The following TENM3 variants were observed in gnomAD, a reference collection of about 807,000 sequenced individuals.
The protein encoded by TENM3 is teneurin-3.
In TENM3, 63 loss-of-function variants were observed where a neutral mutation model predicts 255.1. The observed-to-expected ratio is 0.25, with a 90% CI of 0.20 to 0.30. The LOEUF (loss-of-function observed/expected upper bound fraction) is 0.30, where lower values mean the gene tolerates loss of function less well. TENM3 is among the 10% of genes least tolerant of loss of function. The probability of loss-of-function intolerance (pLI) is 1.00; values close to 1 mark genes in which losing one functional copy is unlikely to be tolerated. For synonymous variants in TENM3, 1,306 were observed against 1,322.3 expected, an observed-to-expected ratio of 0.99 and a Z score of 0.27; for missense variants, 2,929 against 3,461.1, an observed-to-expected ratio of 0.85 and a Z score of 3.86.
At chr4:182,690,011 C>G (rs1330311477) in intron 12 of TENM3, among the ~76,000 whole-genome samples, 1 of 152,192 alleles carries the variant, frequency 6.6e-6, no homozygotes. Context: ...AGGAGGTATC[C>G]TCTGTCTGCC....
At chr4:182,268,487 G>A (rs951511501) in intron 1 of TENM3, among the ~76,000 whole-genome samples, 11 of 152,122 alleles carry the variant, frequency 7.2e-5, no homozygotes, top group Admixed American at 7.2e-4. Flanking sequence ...AGAGGCTTGT[G>A]AACCAGAGCA....
chr4:181,733,770 T>G, the TENM3 span, among the ~76,000 whole-genome samples: 2 of 152,178 alleles, frequency 1.3e-5, no homozygotes, highest in African/African-American at 2.4e-5. Flanking sequence ...AGGGACGCAG[T>G]TGAGTATCTG....
At chr4:181,666,865 G>A in the TENM3 span, among the ~76,000 whole-genome samples, 1 of 152,084 alleles carries the variant, frequency 6.6e-6, no homozygotes, top group Non-Finnish European at 1.5e-5. Flanking sequence ...CATTCCCATC[G>A]CTCTGCCCTT....
At chr4:181,839,717 T>C in the TENM3 span, among the ~76,000 whole-genome samples, 9 of 151,542 alleles carry the variant, frequency 5.9e-5, no homozygotes, top group Non-Finnish European at 1.2e-4. Flanking sequence ...TATTATCATC[T>C]TCTTTGGTCT....
At chr4:181,761,328 C>T in the TENM3 span, among the ~76,000 whole-genome samples, 1 of 151,974 alleles carries the variant, frequency 6.6e-6, no homozygotes, top group African/African-American at 2.4e-5. Context: ...AGCAAGTTAA[C>T]GTGGTGACAT....
chr4:181,573,131 C>A, the TENM3 span, among the ~76,000 whole-genome samples: 3 of 152,086 alleles, frequency 2.0e-5, no homozygotes, highest in South Asian at 6.2e-4. Context: ...GTTTTTTTAT[C>A]CATTCATCTG....
At chr4:182,396,861 C>T (rs62352325) in intron 3 of TENM3, among the ~76,000 whole-genome samples, 38,012 of 151,828 alleles carry the variant, frequency 0.25, 5,385 homozygotes, top group Middle Eastern at 0.38. Flanking sequence ...ACTTGGGAGG[C>T]TGAGGCAGGA....
chr4:182,154,519 T>G lies in TENM3; in HGVS notation c.-76+9765T>G, dbSNP rs1750568389. On this transcript the variant is annotated intron_variant, in intron 1 of 2. Transcript: ENST00000512480. Reference sequence around the variant, plus strand: ...AAATATATGTTAGGTATTAATAGATTCCGTGAAATGCAGAGGTTACTATTT... The same window carrying G: ...AAATATATGTTAGGTATTAATAGATGCCGTGAAATGCAGAGGTTACTATTT... Among the ~76,000 whole-genome samples, 5 of 152,292 alleles carry G rather than the reference T, an allele frequency of 3.3e-5. No homozygotes were observed. In the South Asian group the frequency reaches 1.0e-3, roughly 32 times the overall value.
chr4:181,577,570 C>T, the TENM3 span, among the ~76,000 whole-genome samples: 44 of 152,252 alleles, frequency 2.9e-4, no homozygotes, highest in East Asian at 4.4e-3. Flanking sequence ...ATGAGATAGA[C>T]GTTGAACTTC....
chr4:182,000,485 A>G, the TENM3 span, among the ~76,000 whole-genome samples: 6 of 152,066 alleles, frequency 3.9e-5, no homozygotes, highest in Non-Finnish European at 5.9e-5. Context: ...ACTGCGTCTG[A>G]TATTTATAGG....
chr4:182,412,008 C>T (rs1385947893), intron 3 of TENM3, among the ~76,000 whole-genome samples: 1 of 152,152 alleles, frequency 6.6e-6, no homozygotes, highest in Non-Finnish European at 1.5e-5. Context: ...TTGCTTCCTA[C>T]AGGATGATGA....
intron 24 of TENM3, among the ~76,000 whole-genome samples, chr4:182,781,854 A>G (rs1765195093): frequency 6.6e-6 from 1 of 151,520 alleles, no homozygotes; most frequent in African/African-American, 2.4e-5. Flanking sequence ...AGGTGTTTGT[A>G]GTATTCTCTG....
chr4:182,058,603 T>C, the TENM3 span, among the ~76,000 whole-genome samples: 1 of 152,082 alleles, frequency 6.6e-6, no homozygotes, highest in Non-Finnish European at 1.5e-5. Flanking sequence ...GAGAGAACTA[T>C]AGTAAAAATA....
the TENM3 span, among the ~76,000 whole-genome samples, chr4:182,017,110 G>A: frequency 1.1e-3 from 171 of 152,350 alleles, 1 homozygote; most frequent in African/African-American, 3.9e-3. Flanking sequence ...ACCACAGAGC[G>A]ACTTAGCTGC....
the TENM3 span, among the ~76,000 whole-genome samples, chr4:181,701,633 G>A: frequency 1.3e-5 from 2 of 152,120 alleles, no homozygotes; most frequent in Non-Finnish European, 2.9e-5. Context: ...AGAATGAAGT[G>A]CACGAAACAA....
At chr4:181,866,330 C>T in the TENM3 span, among the ~76,000 whole-genome samples, 1 of 152,134 alleles carries the variant, frequency 6.6e-6, no homozygotes, top group Non-Finnish European at 1.5e-5. Context: ...TGGCTAATTC[C>T]TCATGAGGAT....
At chr4:182,271,864 A>G (rs980540709) in intron 1 of TENM3, among the ~76,000 whole-genome samples, 3 of 152,194 alleles carry the variant, frequency 2.0e-5, no homozygotes, top group Non-Finnish European at 4.4e-5. Flanking sequence ...CAGCTCTGAG[A>G]TGCTTCTTAT....
chr4:181,522,836 T>G, the TENM3 span: 1 of 940,490 alleles, frequency 1.1e-6, no homozygotes, highest in South Asian at 1.3e-5. Flanking sequence ...CACCTGAATT[T>G]TCAATGCAGG....
rs527239122 is a variant in TENM3, at chr4:182,416,781, A to G, written c.511+69852A>G. ...AAACATGCTCTTTCCTGTTAATAAT[A>G]GGAAAATATTTCATTGCTTAAGAAA... is the stretch of plus-strand genomic sequence containing the variant. On this transcript the variant is annotated intron_variant, in intron 3 of 27. Coordinates refer to ENST00000511685, the MANE Select transcript of TENM3 (RefSeq NM_001080477.4). Among the ~76,000 whole-genome samples, 12 of 152,318 alleles carry G rather than the reference A, an allele frequency of 7.9e-5. No homozygotes were observed. In the East Asian group the frequency reaches 2.1e-3, roughly 27 times the overall value.
Sources: allele counts gnomAD v4.1 joint callset (sites outside exome capture counted in the v4.1 genomes callset), GRCh38; gene constraint gnomAD v4.1.1; transcripts MANE v1.5; gene names NCBI Gene and HGNC (gene_info 2026-07-23, HGNC 2026-07-21).